SVOP: variants seen among roughly 807,000 people sequenced by gnomAD.
The protein encoded by SVOP is synaptic vesicle 2-related protein.
Under a neutral mutation model 69.1 loss-of-function variants are expected in SVOP, and 17 were observed. The observed-to-expected ratio is 0.25, with a 90% CI of 0.17 to 0.37. The LOEUF (loss-of-function observed/expected upper bound fraction) is 0.37, where lower values mean the gene tolerates loss of function less well. Among genes scored for constraint, SVOP ranks in the 10% least tolerant of loss-of-function variants. The pLI is 1.00. For missense variants in SVOP, 435 were observed against 597.5 expected, an observed-to-expected ratio of 0.73 and a Z score of 2.84; for synonymous variants, 238 against 238.6, an observed-to-expected ratio of 1.00 and a Z score of 0.02.
chr12:108,969,959 C>T (rs538324122), intron 5 of SVOP, among the ~76,000 whole-genome samples: 1 of 152,330 alleles, frequency 6.6e-6, no homozygotes, highest in South Asian at 2.1e-4. Context: ...CTGCCATCTC[C>T]AGCCCCATCA....
intron 2 of SVOP, among the ~76,000 whole-genome samples, chr12:108,983,235 C>T (rs1274136143): frequency 6.7e-6 from 1 of 149,844 alleles, no homozygotes; most frequent in East Asian, 2.0e-4. Context: ...ATAATCATCA[C>T]CATTATCACC....
intron 1 of SVOP, among the ~76,000 whole-genome samples, chr12:108,989,950 A>C (rs2040190242): frequency 6.6e-6 from 1 of 152,236 alleles, no homozygotes; most frequent in African/African-American, 2.4e-5. Context: ...CTACCTTAAC[A>C]ATCAACTTAT....
intron 12 of SVOP, 75 bp from the exon 13 acceptor site, chr12:108,919,861 G>C: frequency 1.0e-6 from 1 of 993,654 alleles, no homozygotes; most frequent in Non-Finnish European, 1.5e-6. Context: ...AGCACAGCCT[G>C]TATCATCCCC....
intron 11 of SVOP, among the ~76,000 whole-genome samples, chr12:108,925,556 C>T (rs1209328959): frequency 6.6e-6 from 1 of 152,220 alleles, no homozygotes; most frequent in Non-Finnish European, 1.5e-5. Context: ...GCCTAAAACT[C>T]TGCAATGACC....
At chr12:108,961,518 T>C (rs557567595) in intron 5 of SVOP, among the ~76,000 whole-genome samples, 5 of 152,256 alleles carry the variant, frequency 3.3e-5, no homozygotes, top group Non-Finnish European at 7.4e-5. Flanking sequence ...ATTTACTTTG[T>C]TTTACCTGGA....
At chr12:108,959,514 C>T (rs574561726) in intron 6 of SVOP, among the ~76,000 whole-genome samples, 24 of 152,064 alleles carry the variant, frequency 1.6e-4, no homozygotes, top group Admixed American at 6.6e-5. Context: ...CCACCAAGCC[C>T]GGAAAATTTT....
chr12:108,912,161 G>C lies in SVOP; in HGVS notation c.*374C>G. On this transcript the variant is annotated 3_prime_UTR_variant, in exon 16 of 16. Coordinates refer to ENST00000610966, the MANE Select transcript of SVOP (RefSeq NM_018711.5). ...GACAGCAGGTGTCACATGGGCCTGA[G>C]CCTGGACGGTATCTACAGAGAGATA... is the stretch of plus-strand genomic sequence containing the variant. 6 of 1,084,314 alleles carry C rather than the reference G, an allele frequency of 5.5e-6. No individual in the cohort carries two copies. The highest frequency in any genetic ancestry group is 6.7e-6 in the Non-Finnish European group (6 of 890,658). The allele number at this position is 1,084,314 out of a possible 1,614,324, so 67.2% of individuals were successfully genotyped here.
In SVOP at chr12:108,940,789, A is replaced by G; in HGVS notation, c.763T>C (p.Cys255Arg). The G allele has an allele frequency of 1.3e-6, 2 of 1,537,194 alleles. No individual in the cohort carries two copies. Among genetic ancestry groups the G allele is most frequent in the Non-Finnish European group, 1.7e-6 (2 of 1,146,862 alleles). Residue 255 changes from cysteine to arginine, a missense_variant, in exon 8 of 16, where the codon TGT (cysteine) becomes CGT (arginine). Transcript: ENST00000610966. Reference sequence around the variant, plus strand: ...ATCTCTTAAAGGATACCTACGAAACACAGCACGGCAAAGAGGAGGAGCGGG... The same window carrying G: ...ATCTCTTAAAGGATACCTACGAAACGCAGCACGGCAAAGAGGAGGAGCGGG... ...AVPLLLFAVL[C>R]FWLPESARYD...
chr12:108,982,102 A>G (rs2040139109), intron 2 of SVOP, among the ~76,000 whole-genome samples: 1 of 151,732 alleles, frequency 6.6e-6, no homozygotes, highest in Non-Finnish European at 1.5e-5. Context: ...CATCATCATC[A>G]CCATCGTAAC....
chr12:108,995,433 G>T (rs1247166007), intron 1 of SVOP, among the ~76,000 whole-genome samples: 1 of 152,146 alleles, frequency 6.6e-6, no homozygotes, highest in Non-Finnish European at 1.5e-5. Flanking sequence ...CTACCTATGT[G>T]AGGGGACCTA....
chr12:108,936,502 G>A (rs2039856930), intron 10 of SVOP, among the ~76,000 whole-genome samples: 1 of 151,806 alleles, frequency 6.6e-6, no homozygotes, highest in Non-Finnish European at 1.5e-5. Flanking sequence ...TTGAGACAGG[G>A]TCTCACTCTG....
chr12:108,982,337 A>G (rs1326757289), intron 2 of SVOP, among the ~76,000 whole-genome samples: 2 of 150,514 alleles, frequency 1.3e-5, no homozygotes, highest in Non-Finnish European at 3.0e-5. Flanking sequence ...CATCATCATC[A>G]TCTTCACCAT....
chr12:109,020,763 C>CA (rs1555254154), intron 1 of SVOP, 71 bp downstream of exon 1: 7 of 392,440 alleles, frequency 1.8e-5, no homozygotes, highest in Admixed American at 6.2e-5. Flanking sequence ...TACCCCCCCC[C>CA]ACCCCCCTTG....
chr12:108,951,447 A>G (rs1215806980), intron 6 of SVOP, among the ~76,000 whole-genome samples: 1 of 152,210 alleles, frequency 6.6e-6, no homozygotes, highest in Non-Finnish European at 1.5e-5. Flanking sequence ...CATTTCCTAA[A>G]TTTGGTAAAA....
chr12:108,958,227 C>T (rs2039996484), intron 6 of SVOP, among the ~76,000 whole-genome samples: 1 of 151,714 alleles, frequency 6.6e-6, no homozygotes, highest in Non-Finnish European at 1.5e-5. Flanking sequence ...TGATCTCAGA[C>T]TCCTGGGCTC....
intron 1 of SVOP, among the ~76,000 whole-genome samples, chr12:108,988,163 G>A (rs1032767041): frequency 8.5e-5 from 13 of 152,110 alleles, no homozygotes; most frequent in Non-Finnish European, 1.5e-4. Flanking sequence ...GAGCTAAAGC[G>A]ATCTACCCAC....
intron 11 of SVOP, among the ~76,000 whole-genome samples, chr12:108,930,443 T>A (rs893494373): frequency 6.6e-6 from 1 of 151,208 alleles, no homozygotes; most frequent in African/African-American, 2.4e-5. Flanking sequence ...TGCTTTTTTT[T>A]TTTTTTTTTT....
At chr12:108,930,689 C>T (rs988405206) in intron 11 of SVOP, among the ~76,000 whole-genome samples, 7 of 152,130 alleles carry the variant, frequency 4.6e-5, no homozygotes, top group Non-Finnish European at 8.8e-5. Flanking sequence ...CCCACCTCGG[C>T]TCCCAAAGTC....
intron 1 of SVOP, among the ~76,000 whole-genome samples, chr12:109,009,162 G>A (rs567191853): frequency 1.7e-4 from 26 of 151,512 alleles, no homozygotes; most frequent in African/African-American, 6.1e-4. Flanking sequence ...GGGTTTTGCC[G>A]TGTTGGCCAG....
Sources: gnomAD v4.1 joint callset for allele counts (sites outside exome capture counted in the v4.1 genomes callset) on GRCh38, gnomAD v4.1.1 for gene constraint, MANE v1.5 for transcripts, NCBI Gene and HGNC (gene_info 2026-07-23, HGNC 2026-07-21) for gene names.